D2HGDH: variants seen among roughly 807,000 people sequenced by gnomAD.
The protein encoded by D2HGDH is D-2-hydroxyglutarate dehydrogenase.
In D2HGDH, 31 loss-of-function variants were observed where a neutral mutation model predicts 46.9. That is an observed-to-expected ratio of 0.66 (90% confidence interval 0.50 to 0.89). The LOEUF (loss-of-function observed/expected upper bound fraction) is 0.89. D2HGDH is among the 40% of genes least tolerant of loss of function. The pLI is 0.00. For missense variants in D2HGDH, 698 were observed against 720.8 expected, an observed-to-expected ratio of 0.97 and a Z score of 0.36; for synonymous variants, 364 against 332.6, an observed-to-expected ratio of 1.09 and a Z score of -1.03.
chr2:241,739,109 C>A (rs1010205144), intron 2 of D2HGDH, among the ~76,000 whole-genome samples: 1 of 152,224 alleles, frequency 6.6e-6, no homozygotes, highest in Non-Finnish European at 1.5e-5. Flanking sequence ...GCCCCCATGG[C>A]CCCCTCCGTC....
At chr2:241,735,588 A>G in intron 2 of D2HGDH, 72 bp downstream of exon 2, 1 of 1,580,700 alleles carries the variant, frequency 6.3e-7, no homozygotes, top group Non-Finnish European at 8.5e-7. Flanking sequence ...GAGGCTTCAA[A>G]GCGGGCTGAG....
chr2:241,743,554 G>T lies in D2HGDH; in HGVS notation c.491-68G>T, dbSNP rs1695087260. ...GGTGGCTTGCCTGTGCAAGATGGGG[G>T]TTGGGACTCACCAGCCCGGGGGCCC... is the stretch of plus-strand genomic sequence containing the variant. On this transcript the variant is annotated intron_variant, in intron 4 of 9. Coordinates refer to ENST00000321264, the MANE Select transcript of D2HGDH (RefSeq NM_152783.5). The surrounding 1 kb of genome is among the most constrained non-coding windows in gnomAD (Gnocchi z 4.8). The T allele has an allele frequency of 5.2e-6, 8 of 1,552,544 alleles. No homozygotes were observed. The South Asian group carries it at 5.8e-5, about 11-fold the overall frequency.
At chr2:241,736,439 A>C (rs150277594) in intron 2 of D2HGDH, among the ~76,000 whole-genome samples, 1 of 127,604 alleles carries the variant, frequency 7.8e-6, no homozygotes. Context: ...GCTCCCTCCA[A>C]AGCCTCCAGA....
chr2:241,748,634 C>T (rs902669785), intron 6 of D2HGDH, among the ~76,000 whole-genome samples: 10 of 152,262 alleles, frequency 6.6e-5, no homozygotes, highest in African/African-American at 2.4e-4. Flanking sequence ...TTGCCCCTCT[C>T]GCCCATTGCC....
intron 2 of D2HGDH, among the ~76,000 whole-genome samples, chr2:241,736,725 A>G (rs1305632784): frequency 2.0e-5 from 3 of 149,958 alleles, no homozygotes; most frequent in Admixed American, 1.3e-4. Context: ...GCTGGAGTGC[A>G]ATGGTGCAAT....
intron 9 of D2HGDH, among the ~76,000 whole-genome samples, chr2:241,759,832 T>A (rs902190797): frequency 2.0e-5 from 3 of 152,252 alleles, no homozygotes; most frequent in African/African-American, 7.2e-5. Context: ...TTAATCAGAG[T>A]CACTATCTTC....
chr2:241,756,788 C>A (rs1043331113), intron 9 of D2HGDH, among the ~76,000 whole-genome samples: 2 of 152,202 alleles, frequency 1.3e-5, no homozygotes, highest in Non-Finnish European at 2.9e-5. Context: ...TCTCAAAGTG[C>A]TGGGATTACA....
intron 6 of D2HGDH, chr2:241,749,260 G>A (rs1696665968): frequency 2.4e-6 from 3 of 1,258,514 alleles, no homozygotes; most frequent in Non-Finnish European, 3.1e-6. Flanking sequence ...TGGTGCTCGG[G>A]TCACAGGCCT....
rs1276755415 is a variant in D2HGDH at position 241,756,004 on chromosome 2, T to G, written c.1296T>G (p.Tyr432Ter). Residue 432 changes from tyrosine (Y) to a stop codon, truncating the protein, a stop_gained, in exon 9 of 10, where the codon TAT (tyrosine) becomes TAG (stop). Transcript: ENST00000321264. LOFTEE classifies it high-confidence loss of function. Reference protein sequence around the residue: ...LGPHAKHVVGYGHLGDGNLHL... With the variant: ...LGPHAKHVVG ...CGCACGCCAAGCACGTGGTGGGCTATGGCCACCTTGGTGAGCGGCGCCCCG... is the reference window on the plus strand; with the variant it reads ...CGCACGCCAAGCACGTGGTGGGCTAGGGCCACCTTGGTGAGCGGCGCCCCG... 1 of 1,598,286 alleles carries G rather than the reference T, an allele frequency of 6.3e-7. No homozygotes were observed. The highest frequency in any genetic ancestry group is 2.2e-5 in the East Asian group (1 of 44,446).
At position 241,744,720 on chromosome 2, in the gene D2HGDH, C is replaced by T. The variant is rs747611461; in HGVS notation, c.696C>T (p.Asp232=). 39 of 1,614,116 alleles carry T rather than the reference C, an allele frequency of 2.4e-5. No homozygotes were observed. Among genetic ancestry groups the T allele is most frequent in the South Asian group, 4.4e-5 (4 of 91,090 alleles). The stretch of plus-strand genomic sequence containing the variant: ...CTCTTTGCCCCAAGGTGCTGGCCGA[C>T]GGCACTGTCCTGGACTGCCTGACCT... ...TVLGLEVVLA[D]GTVLDCLTSL... The change falls in exon 6 of 10, where the codon GAC becomes GAT. Residue 232 remains aspartate (D), a synonymous_variant. Coordinates refer to ENST00000321264, the MANE Select transcript of D2HGDH (RefSeq NM_152783.5).
Position 241,755,842 on chromosome 2 carries a change from C to A in D2HGDH, c.1141-7C>A, listed in dbSNP as rs576116975. ...CAGCCCTTGTCTCATCTCGTCTCAT[C>A]CTCTAGATGCTGTGGGCCCTGAGGG... On this transcript the variant is annotated splice_region_variant and splice_polypyrimidine_tract_variant and intron_variant, in intron 8 of 9. Coordinates refer to ENST00000321264, the MANE Select transcript of D2HGDH (RefSeq NM_152783.5). The A allele has an allele frequency of 2.5e-6, 4 of 1,611,710 alleles. No individual in the cohort carries two copies. The highest frequency in any genetic ancestry group is 2.5e-6 in the Non-Finnish European group (3 of 1,178,500).
At chr2:241,748,416 C>T (rs867811536) in intron 6 of D2HGDH, among the ~76,000 whole-genome samples, 6 of 152,334 alleles carry the variant, frequency 3.9e-5, no homozygotes, top group South Asian at 4.1e-4. Context: ...CCACTGTGCC[C>T]GGCCTCTTCA....
In D2HGDH at chr2:241,751,229, T is replaced by G. The variant is rs767990059; in HGVS notation, c.998-17T>G. 2 of 1,613,796 alleles carry G rather than the reference T, an allele frequency of 1.2e-6. No individual in the cohort carries two copies. Among genetic ancestry groups the G allele is most frequent in the Non-Finnish European group, 1.7e-6 (2 of 1,180,000 alleles). ...GCCGGAGCCTCTGCTCACTCTGCCT[T>G]CCTTGCTCACTTCTAGAGAGTCCGT... is the stretch of plus-strand genomic sequence containing the variant. On this transcript the variant is annotated splice_polypyrimidine_tract_variant and intron_variant, in intron 7 of 9. Coordinates refer to ENST00000321264, the MANE Select transcript of D2HGDH (RefSeq NM_152783.5).
Position 241,751,271 on chromosome 2 carries a change from G to A in D2HGDH, c.1023G>A (p.Glu341=), listed in dbSNP as rs1191694287. 6.2e-7 allele frequency: 1 copy of A among 1,614,006 alleles called. No homozygotes were observed. Among genetic ancestry groups the A allele is most frequent in the African/African-American group, 1.3e-5 (1 of 75,054 alleles). ...AGAGTCCGTTTTACGTCCTCATCGAGACTTCAGGCTCCAACGCAGGCCATG... is the reference window on the plus strand; with the variant it reads ...AGAGTCCGTTTTACGTCCTCATCGAAACTTCAGGCTCCAACGCAGGCCATG... The part of the protein sequence containing the change: ...VQESPFYVLI[E]TSGSNAGHDA... Residue 341 remains glutamate, a synonymous_variant, in exon 8 of 10, where the codon GAG becomes GAA. Transcript: ENST00000321264.
At chr2:241,751,845 T>G (rs1166062674) in intron 8 of D2HGDH, among the ~76,000 whole-genome samples, 1 of 151,626 alleles carries the variant, frequency 6.6e-6, no homozygotes, top group Non-Finnish European at 1.5e-5. Context: ...GACCAGATGA[T>G]TTGGCCTTTT....
At chr2:241,746,272 T>C (rs1695833265) in intron 6 of D2HGDH, among the ~76,000 whole-genome samples, 1 of 152,230 alleles carries the variant, frequency 6.6e-6, no homozygotes, top group South Asian at 2.1e-4. Context: ...TCTTCTCATC[T>C]GTCTTCCAGT....
chr2:241,758,769 A>ATATG (rs1315576359), intron 9 of D2HGDH, among the ~76,000 whole-genome samples: 5 of 131,896 alleles, frequency 3.8e-5, no homozygotes, highest in Admixed American at 2.4e-4. Context: ...CCCACAATAT[A>ATATG]TGTGTGTGTG....
At chr2:241,764,733 G>A (rs145471781) in intron 9 of D2HGDH, among the ~76,000 whole-genome samples, 10 of 152,346 alleles carry the variant, frequency 6.6e-5, no homozygotes, top group Non-Finnish European at 1.0e-4. Context: ...TTGGGGTGGT[G>A]CGTCCTGGTT....
intron 5 of D2HGDH, 137 bp from the exon 6 acceptor site, chr2:241,744,572 C>T (rs999411498): frequency 3.8e-5 from 41 of 1,082,334 alleles, no homozygotes; most frequent in Non-Finnish European, 5.1e-5. Flanking sequence ...GGGTGTCACT[C>T]GTACAGGAGG....
Sources: allele counts gnomAD v4.1 joint callset (sites outside exome capture counted in the v4.1 genomes callset), GRCh38; gene constraint gnomAD v4.1.1; non-coding constraint Gnocchi (gnomAD v3.1); transcripts MANE v1.5; gene names NCBI Gene and HGNC (gene_info 2026-07-23, HGNC 2026-07-21).